The following FHIT variants were observed in gnomAD, a reference collection of about 807,000 sequenced individuals.
The protein encoded by FHIT is bis(5'-adenosyl)-triphosphatase.
A neutral mutation model predicts 17.9 loss-of-function variants in FHIT; 19 were observed. The ratio of observed to expected loss-of-function variants is 1.06; its 90% CI spans 0.74 to 1.56. The LOEUF is 1.56. Among genes scored for constraint, FHIT ranks in the 40% most tolerant of loss-of-function variants. The probability of loss-of-function intolerance (pLI) is 0.00; values close to 1 mark genes in which losing one functional copy is unlikely to be tolerated. For missense variants in FHIT, 248 were observed against 189.2 expected, an observed-to-expected ratio of 1.31 and a Z score of -1.82; for synonymous variants, 81 against 69.7, an observed-to-expected ratio of 1.16 and a Z score of -0.81.
At chr3:60,011,247 G>C (rs1397551124) in intron 7 of FHIT, 124 bp downstream of exon 7, 1 of 840,064 alleles carries the variant, frequency 1.2e-6, no homozygotes, top group Non-Finnish European at 2.0e-6. Context: ...CTAACACTGA[G>C]GGTCTCTCTG....
intron 1 of FHIT, among the ~76,000 whole-genome samples, chr3:61,245,391 T>G (rs2040465596): frequency 6.6e-6 from 1 of 152,122 alleles, no homozygotes; most frequent in Admixed American, 6.5e-5. Flanking sequence ...GTCCAGGTCT[T>G]TTGCTCTATC....
At chr3:60,414,300 C>T (rs1006501552) in intron 5 of FHIT, among the ~76,000 whole-genome samples, 5 of 152,112 alleles carry the variant, frequency 3.3e-5, no homozygotes, top group East Asian at 3.9e-4. Context: ...CTGATGTCAC[C>T]GAACTAGGAA....
Position 60,641,445 on chromosome 3 carries a change from A to T in FHIT, c.-17-104466T>A, listed in dbSNP as rs148946083. On this transcript the variant is annotated intron_variant, in intron 4 of 9. Coordinates refer to ENST00000492590, the MANE Select transcript of FHIT (RefSeq NM_002012.4). ...CTTTGAAGATTAAAATACCCACAGC[A>T]TCAAAATGGCTATGTCAAAATGTCT... Among the ~76,000 whole-genome samples the T allele has an allele frequency of 6.9e-3, 1,052 of 152,314 alleles. 14 individuals carry two copies. Among genetic ancestry groups the T allele is most frequent in the African/African-American group, 0.023 (973 of 41,584 alleles).
chr3:60,069,041 A>C (rs1411343881), intron 5 of FHIT, among the ~76,000 whole-genome samples: 1 of 152,182 alleles, frequency 6.6e-6, no homozygotes, highest in Non-Finnish European at 1.5e-5. Flanking sequence ...TATCCTAAGG[A>C]CAAAGCTCCA....
At chr3:60,832,579 G>T (rs1254005850) in intron 3 of FHIT, among the ~76,000 whole-genome samples, 1 of 151,756 alleles carries the variant, frequency 6.6e-6, no homozygotes, top group Non-Finnish European at 1.5e-5. Context: ...AAACCAGCAA[G>T]AAAGAGATAC....
At chr3:60,058,370 C>A (rs1010845277) in intron 5 of FHIT, among the ~76,000 whole-genome samples, 13 of 151,934 alleles carry the variant, frequency 8.6e-5, no homozygotes, top group Non-Finnish European at 1.5e-5. Flanking sequence ...ACCTCATGAT[C>A]TGCCCGCCTC....
At chr3:60,639,139 G>A (rs1433904027) in intron 4 of FHIT, among the ~76,000 whole-genome samples, 1 of 150,316 alleles carries the variant, frequency 6.7e-6, no homozygotes, top group South Asian at 2.2e-4. Flanking sequence ...TGTGTCCTAA[G>A]GGCATTTGCG....
chr3:60,888,368 A>G (rs188209980), intron 3 of FHIT, among the ~76,000 whole-genome samples: 2 of 152,340 alleles, frequency 1.3e-5, no homozygotes, highest in African/African-American at 4.8e-5. Flanking sequence ...CACATTCAAC[A>G]TAGGAATACA....
intron 1 of FHIT, among the ~76,000 whole-genome samples, chr3:61,226,267 A>G (rs1297633052): frequency 2.0e-5 from 3 of 152,182 alleles, no homozygotes; most frequent in Non-Finnish European, 4.4e-5. Context: ...AGGCCTTTTG[A>G]TAACGGGAAA....
chr3:60,992,013 A>G (rs2030269883), intron 3 of FHIT, among the ~76,000 whole-genome samples: 1 of 152,202 alleles, frequency 6.6e-6, no homozygotes, highest in Non-Finnish European at 1.5e-5. Flanking sequence ...AGACCAAAAC[A>G]GAATTCTGGA....
intron 3 of FHIT, among the ~76,000 whole-genome samples, chr3:60,884,532 G>A (rs374344903): frequency 8.5e-4 from 130 of 152,082 alleles, no homozygotes; most frequent in African/African-American, 2.2e-3. Flanking sequence ...ATACTATTCC[G>A]CTTATTTTAT....
At chr3:60,079,319 T>A (rs915112236) in intron 5 of FHIT, among the ~76,000 whole-genome samples, 3 of 152,142 alleles carry the variant, frequency 2.0e-5, no homozygotes, top group African/African-American at 7.2e-5. Context: ...GGCTTTTTAC[T>A]TTCTAAAATG....
chr3:60,024,474 C>A (rs1314433610), intron 5 of FHIT, among the ~76,000 whole-genome samples: 1 of 152,132 alleles, frequency 6.6e-6, no homozygotes, highest in Non-Finnish European at 1.5e-5. Flanking sequence ...AAAAGACTTT[C>A]AAGAACTCTG....
chr3:60,998,881 G>A (rs558816212), intron 3 of FHIT, among the ~76,000 whole-genome samples: 1 of 151,196 alleles, frequency 6.6e-6, no homozygotes, highest in South Asian at 2.1e-4. Context: ...CCATAATTCA[G>A]GTAGCGAAGT....
intron 1 of FHIT, among the ~76,000 whole-genome samples, chr3:61,229,498 G>A (rs1007502665): frequency 6.6e-6 from 1 of 152,180 alleles, no homozygotes; most frequent in Non-Finnish European, 1.5e-5. Context: ...GGTTACAATA[G>A]CTCTAGAAAA....
chr3:60,913,474 T>C (rs782437023), intron 3 of FHIT, among the ~76,000 whole-genome samples: 4 of 152,188 alleles, frequency 2.6e-5, no homozygotes, highest in Admixed American at 6.5e-5. Flanking sequence ...TCCAGAATTA[T>C]AATAAGATCT....
At chr3:61,199,753 A>G (rs1560064731) in intron 2 of FHIT, among the ~76,000 whole-genome samples, 1 of 122,028 alleles carries the variant, frequency 8.2e-6, no homozygotes, top group Non-Finnish European at 1.7e-5. Flanking sequence ...AATAAAAATG[A>G]CAGAAAAAAA....
intron 2 of FHIT, among the ~76,000 whole-genome samples, chr3:61,096,275 AATTG>A (rs1332735906): frequency 6.6e-6 from 1 of 152,104 alleles, no homozygotes; most frequent in East Asian, 1.9e-4. Context: ...CAAAGTGTCT[AATTG>A]ATTGTGTGAC....
chr3:60,254,068 TAC>T lies in FHIT; in HGVS notation c.104-239918_104-239917del, dbSNP rs538752738. Reference sequence around the variant, plus strand: ...TTTATCATATCTGCTTTCTCTCTTTTACACACACAGACACACATATAGGCACA... The same window carrying T: ...TTTATCATATCTGCTTTCTCTCTTTTACACACAGACACACATATAGGCACA... On this transcript the variant is annotated intron_variant, in intron 5 of 9. Transcript: ENST00000492590. 2.7e-4 allele frequency among the ~76,000 whole-genome samples: 41 copies of T among 152,288 alleles called. No homozygotes were observed. In the South Asian group the frequency reaches 7.7e-3, roughly 29 times the overall value.
Sources: allele counts gnomAD v4.1 joint callset (sites outside exome capture counted in the v4.1 genomes callset), GRCh38; gene constraint gnomAD v4.1.1; transcripts MANE v1.5; gene names NCBI Gene and HGNC (gene_info 2026-07-23, HGNC 2026-07-21).